Variants in ARFGEF1 observed in about 807,000 individuals in gnomAD.
ARFGEF1 encodes the protein brefeldin A-inhibited guanine nucleotide-exchange protein 1.
A neutral mutation model predicts 231.0 loss-of-function variants in ARFGEF1; 42 were observed. The ratio of observed to expected loss-of-function variants is 0.18; its 90% CI spans 0.14 to 0.24. The LOEUF (loss-of-function observed/expected upper bound fraction) is 0.24. ARFGEF1 is among the 10% of genes least tolerant of loss of function. The pLI, the probability that ARFGEF1 is intolerant of heterozygous loss-of-function variation, is 1.00. For missense variants in ARFGEF1, 1,345 were observed against 2,192.0 expected, an observed-to-expected ratio of 0.61 and a Z score of 7.72; for synonymous variants, 710 against 732.3, an observed-to-expected ratio of 0.97 and a Z score of 0.49.
Position 67,225,027 on chromosome 8 carries a change from T to C in ARFGEF1, c.4084A>G (p.Lys1362Glu). The C allele has an allele frequency of 1.3e-6, 2 of 1,592,234 alleles. No homozygotes were observed. Among genetic ancestry groups the C allele is most frequent in the South Asian group, 1.2e-5 (1 of 86,368 alleles). ...KYVSDRPQAF[K>E]EYTSDDMNVA... ...TTCATATCATCGCTTGTGTATTCCTTGAAAGCCTTCAAGAAAAAAGGTAGG... is the reference window on the plus strand; with the variant it reads ...TTCATATCATCGCTTGTGTATTCCTCGAAAGCCTTCAAGAAAAAAGGTAGG... Residue 1362 changes from lysine to glutamate, a missense_variant, in exon 29 of 39, where the codon AAG (lysine) becomes GAG (glutamate). Lys to Glu is a moderately conservative substitution (Grantham distance 56, BLOSUM62 1). Coordinates refer to ENST00000262215, the MANE Select transcript of ARFGEF1 (RefSeq NM_006421.5).
intron 29 of ARFGEF1, among the ~76,000 whole-genome samples, chr8:67,222,825 A>G (rs540268243): frequency 2.0e-4 from 31 of 152,212 alleles, no homozygotes; most frequent in African/African-American, 6.7e-4. Flanking sequence ...ACATCAGGTG[A>G]TCTGCCCACC....
chr8:67,238,415 C>T lies in ARFGEF1; in HGVS notation c.3217G>A (p.Val1073Met). The T allele has an allele frequency of 1.9e-6, 3 of 1,614,050 alleles. No homozygotes were observed. In the Middle Eastern group the frequency reaches 5.0e-4, roughly 266 times the overall value. ...GVKPRYISGT[V>M]RGREGSLTGT... ...GTAAGAGATCCTTCTCTGCCTCGCA[C>T]TGTTCCAGAAATGTATCGAGGTTTC... The change falls in exon 22 of 39, where the codon GTG (valine) becomes ATG (methionine). Residue 1073 changes from valine to methionine, a missense_variant. By Grantham distance (21) the Val-to-Met change is conservative. Transcript: ENST00000262215.
At chr8:67,178,325 G>T (rs556469728) in intron 5 of ARFGEF1, among the ~76,000 whole-genome samples, 220 of 152,252 alleles carry the variant, frequency 1.4e-3, no homozygotes, top group African/African-American at 3.7e-3. Flanking sequence ...GTATCCTGAG[G>T]GGGGTACTTT....
chr8:67,269,791 A>T (rs1805000280), intron 10 of ARFGEF1, among the ~76,000 whole-genome samples: 1 of 152,184 alleles, frequency 6.6e-6, no homozygotes, highest in Admixed American at 6.5e-5. Context: ...ATATTATAAT[A>T]ATTTTGTAAT....
chr8:67,215,343 T>C (rs910509200), intron 33 of ARFGEF1, among the ~76,000 whole-genome samples: 6 of 152,274 alleles, frequency 3.9e-5, no homozygotes, highest in Non-Finnish European at 7.4e-5. Flanking sequence ...GCCGATGGGA[T>C]GGACATGAAT....
At chr8:67,204,328 C>G (rs928292514) in intron 35 of ARFGEF1, among the ~76,000 whole-genome samples, 1 of 152,148 alleles carries the variant, frequency 6.6e-6, no homozygotes, top group African/African-American at 2.4e-5. Context: ...ATTTAACAAG[C>G]GACTGATCAC....
In ARFGEF1 at chr8:67,199,058, T is replaced by C; in HGVS notation, c.5426A>G (p.Glu1809Gly). The part of the protein sequence containing the change: ...HASFYYPLLC[E>G]IMQFDLIPEL... ...AGGAATCAAGTCAAATTGCATAATT[T>C]CACATAAGAGAGGGTAGTAGAATGA... Residue 1809 changes from glutamate to glycine, a missense_variant, in exon 39 of 39, where the codon GAA becomes GGA. Transcript: ENST00000262215. The C allele has an allele frequency of 1.2e-6, 2 of 1,611,792 alleles. No individual in the cohort carries two copies. The highest frequency in any genetic ancestry group is 1.7e-6 in the Non-Finnish European group (2 of 1,179,490).
chr8:67,282,960 A>G (rs2128904227), intron 7 of ARFGEF1, among the ~76,000 whole-genome samples: 1 of 152,238 alleles, frequency 6.6e-6, no homozygotes. Flanking sequence ...ATAATTTCTT[A>G]GTATGAAGAA....
intron 1 of ARFGEF1, among the ~76,000 whole-genome samples, chr8:67,337,823 C>G (rs1331407556): frequency 6.6e-6 from 1 of 152,166 alleles, no homozygotes; most frequent in African/African-American, 2.4e-5. Flanking sequence ...AAGGTTGTTA[C>G]TATCACCCTC....
In ARFGEF1 at chr8:67,287,983, T is replaced by A. The variant is rs761614910; in HGVS notation, c.999A>T (p.Val333=). 2 of 1,595,390 alleles carry A rather than the reference T, an allele frequency of 1.3e-6. No individual in the cohort carries two copies. Among genetic ancestry groups the A allele is most frequent in the East Asian group, 2.3e-5 (1 of 43,910 alleles). The part of the protein sequence containing the change: ...EKPQDIVQNI[V]EEMVNIVVGD... ...CAACAACAATGTTCACCATTTCTTC[T>A]ACAATGTTCTGTACAATGTCTTGTG... Residue 333 remains valine (V), a synonymous_variant, in exon 7 of 39, where the codon GTA becomes GTT. Coordinates refer to ENST00000262215, the MANE Select transcript of ARFGEF1 (RefSeq NM_006421.5).
intron 7 of ARFGEF1, among the ~76,000 whole-genome samples, chr8:67,282,101 T>C (rs1010678963): frequency 2.6e-5 from 4 of 152,044 alleles, no homozygotes; most frequent in Admixed American, 6.6e-5. Flanking sequence ...TTAATAGATA[T>C]TTTAAAAATT....
chr8:67,193,485 G>A, downstream of ARFGEF1: 1 of 1,613,252 alleles, frequency 6.2e-7, no homozygotes, highest in South Asian at 1.1e-5. Context: ...TCCTAATGTA[G>A]CACCAGATGG....
Position 67,197,963 on chromosome 8 carries a change from T to G in ARFGEF1, c.*971A>C. The G allele has an allele frequency of 1.0e-6, 1 of 985,814 alleles. No individual in the cohort carries two copies. Among genetic ancestry groups the G allele is most frequent in the Non-Finnish European group, 1.2e-6 (1 of 829,926 alleles). The allele number at this position is 985,814 out of a possible 1,614,324, so 61.1% of individuals were successfully genotyped here. On this transcript the variant is annotated 3_prime_UTR_variant, in exon 39 of 39. Transcript: ENST00000262215. ...TATTTTAATATATTCAACGTTAAAT[T>G]CTGTACATAGAGTAAAATCTACATC...
chr8:67,201,238 G>A (rs1838316516), intron 37 of ARFGEF1, among the ~76,000 whole-genome samples: 1 of 152,218 alleles, frequency 6.6e-6, no homozygotes, highest in African/African-American at 2.4e-5. Context: ...ATAGTTCACA[G>A]TTTTAAAACA....
chr8:67,239,358 CAGTAACTTGTAAGTTT>C (rs1238197310), intron 20 of ARFGEF1, among the ~76,000 whole-genome samples: 1 of 152,130 alleles, frequency 6.6e-6, no homozygotes, highest in Admixed American at 6.5e-5. Flanking sequence ...CTCGTAAGTT[CAGTAACTTGTAAGTTT>C]AGTAAGTTTT....
intron 1 of ARFGEF1, among the ~76,000 whole-genome samples, chr8:67,309,092 T>C (rs1806875865): frequency 6.6e-6 from 1 of 152,128 alleles, no homozygotes. Flanking sequence ...AATCCTGTCA[T>C]TTGCGACAAC....
At chr8:67,217,322 C>T (rs1317009240) in intron 32 of ARFGEF1, among the ~76,000 whole-genome samples, 1 of 144,060 alleles carries the variant, frequency 6.9e-6, no homozygotes, top group African/African-American at 2.7e-5. Context: ...AAAAAAAAAA[C>T]CTACCTCACT....
intron 23 of ARFGEF1, among the ~76,000 whole-genome samples, chr8:67,230,759 T>C (rs553998180): frequency 4.6e-4 from 70 of 152,218 alleles, no homozygotes; most frequent in African/African-American, 1.5e-3. Flanking sequence ...TTTAGTAATA[T>C]TCATTATGAA....
chr8:67,312,245 TAAA>T (rs771238790), intron 1 of ARFGEF1, among the ~76,000 whole-genome samples: 2 of 113,080 alleles, frequency 1.8e-5, no homozygotes, highest in South Asian at 2.8e-4. Flanking sequence ...AAAAAAAAAT[TAAA>T]AAAAAAAAAA....
Sources: gnomAD v4.1 joint callset for allele counts (sites outside exome capture counted in the v4.1 genomes callset) on GRCh38, gnomAD v4.1.1 for gene constraint, MANE v1.5 for transcripts, NCBI Gene and HGNC (gene_info 2026-07-23, HGNC 2026-07-21) for gene names.